CNOT6: variants seen among roughly 807,000 people sequenced by gnomAD.
The protein encoded by CNOT6 is CCR4-NOT transcription complex subunit 6, also known as carbon catabolite repression 4 protein.
Under a neutral mutation model 61.2 loss-of-function variants are expected in CNOT6, and 12 were observed. The observed-to-expected ratio is 0.20, with a 90% CI of 0.13 to 0.32. The LOEUF (loss-of-function observed/expected upper bound fraction) is 0.32. Ranked by LOEUF, CNOT6 falls within the 10% of genes least tolerant of loss-of-function variation. CNOT6 has a pLI of 1.00. For synonymous variants in CNOT6, 225 were observed against 240.6 expected, an observed-to-expected ratio of 0.94 and a Z score of 0.60; for missense variants, 405 against 663.9, an observed-to-expected ratio of 0.61 and a Z score of 4.28.
intron 2 of CNOT6, among the ~76,000 whole-genome samples, chr5:180,535,079 A>T (rs201122562): frequency 1.3e-5 from 2 of 152,208 alleles, no homozygotes; most frequent in South Asian, 2.1e-4. Context: ...CTTGGAATCC[A>T]CCATGGCATG....
intron 1 of CNOT6, among the ~76,000 whole-genome samples, chr5:180,498,114 TAATGG>T (rs1352815959): frequency 6.6e-6 from 1 of 151,936 alleles, no homozygotes; most frequent in African/African-American, 2.4e-5. Flanking sequence ...CATTAGAGTA[TAATGG>T]AATGTACTGT....
rs759325223 is a variant in CNOT6, at chr5:180,568,002, G to T, written c.1026G>T (p.Pro342=). 6.2e-7 allele frequency: 1 copy of T among 1,602,322 alleles called. No individual in the cohort carries two copies. The highest frequency in any genetic ancestry group is 1.1e-5 in the South Asian group (1 of 89,878). The change falls in exon 9 of 12, where the codon CCG becomes CCT. Residue 342 remains proline (P), a splice_region_variant and synonymous_variant. Coordinates refer to ENST00000261951, the MANE Select transcript of CNOT6 (RefSeq NM_001370472.1). ...LELRKESIEM[P]SGKPHLGTEK... The stretch of plus-strand genomic sequence containing the variant: ...TTCGGAAGGAATCGATTGAAATGCC[G>T]TGTGAGTGCCCTTCACTTCCTGTAA...
intron 1 of CNOT6, among the ~76,000 whole-genome samples, chr5:180,513,118 G>A (rs1757473296): frequency 6.7e-6 from 1 of 149,850 alleles, no homozygotes; most frequent in East Asian, 2.0e-4. Context: ...AGGATGGTCT[G>A]GAACTCCTGA....
intron 2 of CNOT6, among the ~76,000 whole-genome samples, chr5:180,537,919 AT>A (rs1413965334): frequency 1.3e-5 from 2 of 150,154 alleles, no homozygotes; most frequent in Non-Finnish European, 3.0e-5. Context: ...CTTATTTGTG[AT>A]TTAAATAAGT....
rs573877813 is a variant in CNOT6, at chr5:180,564,179, C to T, written c.386-310C>T. On this transcript the variant is annotated intron_variant, in intron 4 of 11. Coordinates refer to ENST00000261951, the MANE Select transcript of CNOT6 (RefSeq NM_001370472.1). ...ACCTGCCTGCCCCGTTCGTGTTTTG[C>T]TCACTCTTGTTTGTTATAACCATCT... is the stretch of plus-strand genomic sequence containing the variant. Among the ~76,000 whole-genome samples the T allele has an allele frequency of 2.0e-4, 31 of 152,294 alleles. No homozygotes were observed. The South Asian group carries it at 6.4e-3, about 32-fold the overall frequency.
intron 2 of CNOT6, among the ~76,000 whole-genome samples, chr5:180,531,495 C>G (rs1445878624): frequency 6.6e-6 from 1 of 150,556 alleles, no homozygotes. Context: ...CTCCTCACTT[C>G]CCAGACTGGG....
At position 180,566,901 on chromosome 5, in the gene CNOT6, G is replaced by A. The variant is rs143560931; in HGVS notation, c.718-187G>A. On this transcript the variant is annotated intron_variant, in intron 7 of 11. Transcript: ENST00000261951. ...ACTCCTGGGCTCTAGTGATCCGCCC[G>A]CCTCGGCCTCTCAAAGTGCTGGGGT... Among the ~76,000 whole-genome samples the A allele has an allele frequency of 2.2e-3, 338 of 151,940 alleles. 2 individuals are homozygous for A. Among genetic ancestry groups the A allele is most frequent in the African/African-American group, 7.4e-3 (307 of 41,436 alleles).
rs745926565 is a variant in CNOT6 at position 180,569,311 on chromosome 5, G to A, written c.1229G>A (p.Cys410Tyr). ...GEFGTIPLVL[C>Y]ADLNSLPDSG... ...TTTGGAACTATTCCACTTGTGTTAT[G>A]TGCAGATCTTAATTCTTTGCCAGAC... Residue 410 changes from cysteine to tyrosine, a missense_variant, in exon 10 of 12, where the codon TGT becomes TAT. By Grantham distance (194) the Cys-to-Tyr change is radical. Coordinates refer to ENST00000261951, the MANE Select transcript of CNOT6 (RefSeq NM_001370472.1). 2 of 1,613,022 alleles carry A rather than the reference G, an allele frequency of 1.2e-6. No homozygotes were observed. The highest frequency in any genetic ancestry group is 1.1e-5 in the South Asian group (1 of 90,956).
intron 11 of CNOT6, among the ~76,000 whole-genome samples, chr5:180,573,328 G>T (rs1760845933): frequency 6.6e-6 from 1 of 152,108 alleles, no homozygotes; most frequent in African/African-American, 2.4e-5. Context: ...GAGGTGTGAT[G>T]AGAGAGACAA....
At chr5:180,495,188 A>G (rs1032993090) in intron 1 of CNOT6, among the ~76,000 whole-genome samples, 2 of 152,216 alleles carry the variant, frequency 1.3e-5, no homozygotes, top group African/African-American at 4.8e-5. Context: ...CGTGGCCACA[A>G]TTACTGTCAA....
chr5:180,565,423 G>T (rs548039591), intron 6 of CNOT6, among the ~76,000 whole-genome samples: 1 of 152,170 alleles, frequency 6.6e-6, no homozygotes, highest in Non-Finnish European at 1.5e-5. Flanking sequence ...CAATAGTTGT[G>T]CTGTAGAAGA....
At chr5:180,526,787 G>A (rs1581501030) in intron 1 of CNOT6, among the ~76,000 whole-genome samples, 1 of 152,152 alleles carries the variant, frequency 6.6e-6, no homozygotes, top group East Asian at 1.9e-4. Flanking sequence ...GGGCTTTGAG[G>A]GAATATGCAT....
intron 4 of CNOT6, among the ~76,000 whole-genome samples, chr5:180,553,926 G>T (rs752149867): frequency 1.1e-4 from 17 of 152,112 alleles, no homozygotes; most frequent in Non-Finnish European, 2.2e-4. Flanking sequence ...TGATTATAGG[G>T]CCATAATTGA....
intron 4 of CNOT6, among the ~76,000 whole-genome samples, chr5:180,562,857 G>A (rs2127759159): frequency 6.6e-6 from 1 of 152,250 alleles, no homozygotes; most frequent in East Asian, 1.9e-4. Flanking sequence ...TTTCACAAAG[G>A]GTCCTGATAA....
At chr5:180,500,817 T>C (rs932917268) in intron 1 of CNOT6, among the ~76,000 whole-genome samples, 4 of 152,110 alleles carry the variant, frequency 2.6e-5, no homozygotes, top group African/African-American at 9.7e-5. Context: ...CATCGGGTTA[T>C]ACAGTAATTA....
chr5:180,531,524 C>T (rs1462391322), intron 2 of CNOT6, among the ~76,000 whole-genome samples: 3 of 145,848 alleles, frequency 2.1e-5, no homozygotes, highest in Non-Finnish European at 4.7e-5. Context: ...CTGAGGGGCT[C>T]CTCACATCCC....
chr5:180,528,567 G>A (rs914760913), intron 1 of CNOT6, among the ~76,000 whole-genome samples: 7 of 151,858 alleles, frequency 4.6e-5, no homozygotes, highest in African/African-American at 1.7e-4. Context: ...CACCCGCCTC[G>A]GCCTCCCAAA....
Position 180,577,693 on chromosome 5 carries a change from AACTC to A in CNOT6, c.*3494_*3497del, listed in dbSNP as rs1561672811. On this transcript the variant is annotated 3_prime_UTR_variant, in exon 12 of 12. Transcript: ENST00000261951. ...ATTATATTGTGTGATGCACTGGACT[AACTC>A]TTGTTTACCATTCATGTAACAAAAC... 2 of 152,764 alleles carry A rather than the reference AACTC, an allele frequency of 1.3e-5. No homozygotes were observed. The highest frequency in any genetic ancestry group is 4.1e-4 in the South Asian group (2 of 4,824). The allele number at this position is 152,764 out of a possible 1,614,324, so 9.5% of individuals were successfully genotyped here.
At chr5:180,510,640 T>C (rs1271511927) in intron 1 of CNOT6, among the ~76,000 whole-genome samples, 15 of 152,210 alleles carry the variant, frequency 9.9e-5, no homozygotes, top group Non-Finnish European at 8.8e-5. Flanking sequence ...TATTTAAAAA[T>C]AGCATTTATT....
Sources: allele counts gnomAD v4.1 joint callset (sites outside exome capture counted in the v4.1 genomes callset), GRCh38; gene constraint gnomAD v4.1.1; transcripts MANE v1.5; gene names NCBI Gene and HGNC (gene_info 2026-07-23, HGNC 2026-07-21).